The following ERC1 variants were observed in gnomAD, a reference collection of about 807,000 sequenced individuals.
The protein encoded by ERC1 is RAB6 interacting protein 2.
A neutral mutation model predicts 132.0 loss-of-function variants in ERC1; 56 were observed. The observed-to-expected ratio is 0.42, with a 90% CI of 0.34 to 0.53. The LOEUF (loss-of-function observed/expected upper bound fraction) is 0.53, where lower values mean the gene tolerates loss of function less well. Among genes scored for constraint, ERC1 ranks in the 20% least tolerant of loss-of-function variants. ERC1 has a pLI of 0.03. For synonymous variants in ERC1, 478 were observed against 476.1 expected (o/e 1.00, Z -0.05); for missense variants, 1,202 against 1,349.9 (o/e 0.89, Z 1.72).
chr12:1,488,939 C>T (rs111571141), intron 18 of ERC1, among the ~76,000 whole-genome samples: 2,343 of 152,290 alleles, frequency 0.015, 61 homozygotes, highest in African/African-American at 0.053. Flanking sequence ...AGGAGCTGCC[C>T]TTGGTGGACT....
At chr12:1,404,238 G>T (rs1805566605) in intron 16 of ERC1, among the ~76,000 whole-genome samples, 1 of 152,164 alleles carries the variant, frequency 6.6e-6, no homozygotes, top group South Asian at 2.1e-4. Flanking sequence ...CACTGCAGAA[G>T]GGCAAACGGG....
chr12:1,052,687 C>G (rs541815532), intron 2 of ERC1, among the ~76,000 whole-genome samples: 2 of 152,166 alleles, frequency 1.3e-5, no homozygotes, highest in South Asian at 4.2e-4. Flanking sequence ...ATGAAATTGT[C>G]GGACAGGCGC....
chr12:1,238,688 T>C (rs879901055), intron 13 of ERC1, among the ~76,000 whole-genome samples: 11 of 152,140 alleles, frequency 7.2e-5, no homozygotes, highest in Admixed American at 4.6e-4. Flanking sequence ...TTTAACTGTT[T>C]CATTTGTCTT....
At position 1,183,307 on chromosome 12, in the gene ERC1, T is replaced by C; in HGVS notation, c.2043T>C (p.His681=). The C allele has an allele frequency of 6.3e-7, 1 of 1,575,178 alleles. No homozygotes were observed. Among genetic ancestry groups the C allele is most frequent in the Non-Finnish European group, 8.7e-7 (1 of 1,155,062 alleles). Residue 681 remains histidine (H), a synonymous_variant, in exon 11 of 19, where the codon CAT becomes CAC. Transcript: ENST00000360905. ...KEASLLDLKE[H]ASSLASSGLK... ...CTTCACTTTTGGATCTGAAAGAGCA[T>C]GCTTCTTCTCTGGCATCCTCAGGAC...
chr12:1,180,171 C>A (rs1954242698), intron 8 of ERC1, among the ~76,000 whole-genome samples: 1 of 152,016 alleles, frequency 6.6e-6, no homozygotes, highest in Non-Finnish European at 1.5e-5. Flanking sequence ...AGAAGTAATC[C>A]TAGTCCTCAT....
rs569589805 is a variant in ERC1 at position 1,482,201 on chromosome 12, C to G, written c.3214-7892C>G. The stretch of plus-strand genomic sequence containing the variant: ...ATCAAGATCCGGCGATTCCTGTGCT[C>G]CAGAATTGCAGTGAGCAGCCCAGTG... On this transcript the variant is annotated intron_variant, in intron 18 of 18. Coordinates refer to ENST00000360905, the MANE Select transcript of ERC1 (RefSeq NM_178040.4). Among the ~76,000 whole-genome samples the G allele has an allele frequency of 1.7e-3, 266 of 152,244 alleles. 2 individuals carry two copies. The highest frequency in any genetic ancestry group is 5.5e-3 in the African/African-American group (230 of 41,546).
At chr12:1,256,292 T>A (rs2076809163) in intron 13 of ERC1, among the ~76,000 whole-genome samples, 1 of 148,208 alleles carries the variant, frequency 6.7e-6, no homozygotes, top group African/African-American at 2.5e-5. Flanking sequence ...TTTTTTTTTA[T>A]AACTTTTTCC....
At chr12:999,844 C>T (rs1329496623) in intron 1 of ERC1, among the ~76,000 whole-genome samples, 4 of 152,098 alleles carry the variant, frequency 2.6e-5, no homozygotes, top group Admixed American at 2.6e-4. Flanking sequence ...ATCCGCCTGT[C>T]TTGGCCTCCC....
chr12:1,396,152 T>G (rs890561315), intron 16 of ERC1, among the ~76,000 whole-genome samples: 5 of 152,240 alleles, frequency 3.3e-5, no homozygotes, highest in African/African-American at 4.8e-5. Flanking sequence ...CTAGTTGAGA[T>G]GTCTATTTTC....
At chr12:1,364,355 T>C (rs1282762797) in intron 15 of ERC1, among the ~76,000 whole-genome samples, 3 of 152,226 alleles carry the variant, frequency 2.0e-5, no homozygotes, top group Non-Finnish European at 4.4e-5. Flanking sequence ...CTAAAACTTT[T>C]GGTATTTCTA....
chr12:1,270,868 C>G (rs1177876352), intron 14 of ERC1, among the ~76,000 whole-genome samples: 1 of 151,702 alleles, frequency 6.6e-6, no homozygotes, highest in African/African-American at 2.4e-5. Flanking sequence ...GTATAAAATT[C>G]TAAGGAGAAG....
At chr12:1,064,220 CTTT>C (rs111805974) in intron 2 of ERC1, among the ~76,000 whole-genome samples, 1 of 142,230 alleles carries the variant, frequency 7.0e-6, no homozygotes. Context: ...GTTTAAAAAA[CTTT>C]TTTTTTTTTT....
At chr12:1,480,269 A>AT (rs2154431158) in intron 18 of ERC1, among the ~76,000 whole-genome samples, 1 of 152,292 alleles carries the variant, frequency 6.6e-6, no homozygotes, top group East Asian at 1.9e-4. Context: ...TTTAGTGAAA[A>AT]TCGGTTTACT....
chr12:1,222,263 T>C (rs1287224655), intron 12 of ERC1, among the ~76,000 whole-genome samples: 1 of 151,170 alleles, frequency 6.6e-6, no homozygotes, highest in Non-Finnish European at 1.5e-5. Context: ...AGGGTCTCGC[T>C]CTGTCACCCA....
intron 14 of ERC1, among the ~76,000 whole-genome samples, chr12:1,285,136 T>G (rs142844154): frequency 0.013 from 2,055 of 152,302 alleles, 20 homozygotes; most frequent in Non-Finnish European, 0.021. Flanking sequence ...ACAGACTTGA[T>G]GCTGGGGAAG....
rs575146309 is a variant in ERC1 at position 1,346,665 on chromosome 12, G to A, written c.2781-25168G>A. 2.3e-3 allele frequency among the ~76,000 whole-genome samples: 354 copies of A among 152,198 alleles called. 2 individuals carry two copies. Among genetic ancestry groups the A allele is most frequent in the Admixed American group, 1.9e-3 (29 of 15,284 alleles). On this transcript the variant is annotated intron_variant, in intron 15 of 18. Coordinates refer to ENST00000360905, the MANE Select transcript of ERC1 (RefSeq NM_178040.4). ...ATTTAAGAGATGATGGTTTTCGGCC[G>A]GGCGCGGTGGCTCACGCCTGTAATC...
At chr12:1,453,190 A>G (rs892565694) in intron 18 of ERC1, among the ~76,000 whole-genome samples, 2 of 151,596 alleles carry the variant, frequency 1.3e-5, no homozygotes, top group African/African-American at 4.9e-5. Flanking sequence ...GACAGACAAC[A>G]TCTCCCCCCT....
At chr12:1,420,458 TTTG>T (rs2092378636) in intron 17 of ERC1, among the ~76,000 whole-genome samples, 1 of 136,876 alleles carries the variant, frequency 7.3e-6, no homozygotes, top group Admixed American at 7.1e-5. Flanking sequence ...TATTTATTTA[TTTG>T]TTTATTTATT....
intron 1 of ERC1, among the ~76,000 whole-genome samples, chr12:1,013,925 G>A (rs772982850): frequency 1.2e-4 from 18 of 151,946 alleles, no homozygotes; most frequent in African/African-American, 3.6e-4. Flanking sequence ...TTGTGGAGAC[G>A]AGGTCTTGCC....
Sources: allele counts gnomAD v4.1 joint callset (sites outside exome capture counted in the v4.1 genomes callset), GRCh38; gene constraint gnomAD v4.1.1; transcripts MANE v1.5; gene names NCBI Gene and HGNC (gene_info 2026-07-23, HGNC 2026-07-21).